TFEC: variants seen among roughly 807,000 people sequenced by gnomAD.
TFEC encodes class E basic helix-loop-helix protein 34.
Under a neutral mutation model 41.6 loss-of-function variants are expected in TFEC, and 31 were observed. That is an observed-to-expected ratio of 0.74 (90% CI 0.56 to 1.01). The LOEUF (loss-of-function observed/expected upper bound fraction) is 1.01. Among genes scored for constraint, TFEC ranks in the 50% least tolerant of loss-of-function variants. TFEC has a pLI of 0.00. For missense variants in TFEC, 402 were observed against 404.1 expected (o/e 0.99, Z 0.04); for synonymous variants, 143 against 140.6 (o/e 1.02, Z -0.12).
At chr7:116,112,978 A>G (rs567126659) in intron 1 of TFEC, among the ~76,000 whole-genome samples, 2 of 152,126 alleles carry the variant, frequency 1.3e-5, no homozygotes, top group South Asian at 4.1e-4. Flanking sequence ...AAGCAGATTG[A>G]TTATTAAACA....
At chr7:116,016,909 A>G (rs1342250826) in intron 1 of TFEC, among the ~76,000 whole-genome samples, 1 of 151,998 alleles carries the variant, frequency 6.6e-6, no homozygotes, top group Non-Finnish European at 1.5e-5. Context: ...TTCTCCTAAA[A>G]CCTGCTACTC....
intron 3 of TFEC, among the ~76,000 whole-genome samples, chr7:116,105,283 G>A (rs1305694521): frequency 1.3e-5 from 2 of 152,156 alleles, no homozygotes; most frequent in African/African-American, 4.8e-5. Flanking sequence ...TAGAGAGTTT[G>A]CAAAAGGACA....
intron 1 of TFEC, among the ~76,000 whole-genome samples, chr7:115,985,428 A>T (rs1793809052): frequency 1.3e-5 from 2 of 151,894 alleles, no homozygotes; most frequent in African/African-American, 4.8e-5. Flanking sequence ...CTTCTAATAC[A>T]TTTTTCTCAA....
intron 1 of TFEC, among the ~76,000 whole-genome samples, chr7:115,987,305 G>A (rs953549580): frequency 6.6e-6 from 1 of 152,104 alleles, no homozygotes; most frequent in Non-Finnish European, 1.5e-5. Flanking sequence ...TACTAACCAT[G>A]AACTAATATC....
intron 2 of TFEC, 150 bp from the exon 3 acceptor site, chr7:115,974,406 T>A (rs1169528600): frequency 2.5e-4 from 16 of 65,012 alleles, no homozygotes; most frequent in Non-Finnish European, 4.0e-4. Context: ...AACCTCAATA[T>A]TATATATATA....
chr7:116,102,890 G>C (rs528023986), intron 3 of TFEC, among the ~76,000 whole-genome samples: 3 of 152,140 alleles, frequency 2.0e-5, no homozygotes, highest in Non-Finnish European at 4.4e-5. Flanking sequence ...TACATTTATC[G>C]AAGCAGTGTT....
Position 116,146,194 on chromosome 7 carries a change from G to A in TFEC, c.-69+13596C>T, listed in dbSNP as rs184477372. 1.6e-3 allele frequency among the ~76,000 whole-genome samples: 240 copies of A among 152,250 alleles called. 1 individual carries two copies. The highest frequency in any genetic ancestry group is 5.6e-3 in the African/African-American group (233 of 41,558). On this transcript the variant is annotated intron_variant, in intron 1 of 8. Transcript: ENST00000484212. ...ACATGAGCAACTGCAGATCTACAAAGACAAGTAAGTCTCAGAGTAGGAATT... is the reference window on the plus strand; with the variant it reads ...ACATGAGCAACTGCAGATCTACAAAAACAAGTAAGTCTCAGAGTAGGAATT...
chr7:116,066,855 T>G (rs76891480), intron 3 of TFEC, among the ~76,000 whole-genome samples: 2,791 of 152,078 alleles, frequency 0.018, 80 homozygotes, highest in African/African-American at 0.063. Flanking sequence ...CACCGTTTAG[T>G]TTACACAGTG....
At chr7:115,974,976 A>G (rs1159373483) in intron 2 of TFEC, among the ~76,000 whole-genome samples, 1 of 152,084 alleles carries the variant, frequency 6.6e-6, no homozygotes, top group Non-Finnish European at 1.5e-5. Flanking sequence ...ACTCAATGAA[A>G]TGAGTACTTT....
At chr7:116,136,911 T>C (rs1392864650) in intron 1 of TFEC, among the ~76,000 whole-genome samples, 2 of 152,076 alleles carry the variant, frequency 1.3e-5, no homozygotes, top group African/African-American at 2.4e-5. Context: ...ATCTAATTCA[T>C]TGATCCCTTT....
At chr7:116,089,889 T>C (rs1797286220) in intron 3 of TFEC, among the ~76,000 whole-genome samples, 1 of 152,126 alleles carries the variant, frequency 6.6e-6, no homozygotes, top group Non-Finnish European at 1.5e-5. Flanking sequence ...ATCTAGCCAG[T>C]ATCCCTGGAA....
Position 115,940,481 on chromosome 7 carries a change from A to G in TFEC, c.*70T>C. 6.8e-7 allele frequency: 1 copy of G among 1,481,234 alleles called. No individual in the cohort carries two copies. Among genetic ancestry groups the G allele is most frequent in the Admixed American group, 2.2e-5 (1 of 44,664 alleles). The allele number at this position is 1,481,234 out of a possible 1,614,324, so 91.8% of individuals were successfully genotyped here. Reference sequence around the variant, plus strand: ...AAAATAAGCCAAAGCAACATATGAAACACAGAGCATAATTGCATAGCACCA... The same window carrying G: ...AAAATAAGCCAAAGCAACATATGAAGCACAGAGCATAATTGCATAGCACCA... On this transcript the variant is annotated 3_prime_UTR_variant, in exon 8 of 8. Transcript: ENST00000265440.
intron 3 of TFEC, among the ~76,000 whole-genome samples, chr7:115,971,534 A>G (rs1230315655): frequency 6.6e-6 from 1 of 151,972 alleles, no homozygotes; most frequent in African/African-American, 2.4e-5. Context: ...GAAGCCCCAT[A>G]AATCATGGAG....
intron 3 of TFEC, among the ~76,000 whole-genome samples, chr7:116,046,288 T>C (rs1256585736): frequency 6.6e-6 from 1 of 152,156 alleles, no homozygotes; most frequent in African/African-American, 2.4e-5. Flanking sequence ...AAACTTGAAT[T>C]GTATCTCCCC....
upstream of TFEC, among the ~76,000 whole-genome samples, chr7:116,035,286 C>T (rs1451449773): frequency 6.6e-6 from 1 of 151,950 alleles, no homozygotes; most frequent in Non-Finnish European, 1.5e-5. Context: ...ATAATACATT[C>T]TCACTTTCTT....
chr7:116,104,473 T>C (rs1797671731), intron 3 of TFEC, among the ~76,000 whole-genome samples: 1 of 152,188 alleles, frequency 6.6e-6, no homozygotes. Flanking sequence ...ACCATTTCAG[T>C]TCATCCATTA....
At position 115,937,575 on chromosome 7, in the gene TFEC, G is replaced by A. The variant is rs1793290206; in HGVS notation, c.*2976C>T. ...CTGACCCATATATAATAAATAGAAG[G>A]CATAGTTTGCTGAGTGGGGAGGACA... On this transcript the variant is annotated 3_prime_UTR_variant, in exon 8 of 8. Transcript: ENST00000265440. The A allele has an allele frequency of 6.6e-6, 1 of 151,698 alleles. No individual in the cohort carries two copies. The highest frequency in any genetic ancestry group is 2.4e-5 in the African/African-American group (1 of 41,380). The allele number at this position is 151,698 out of a possible 1,614,324, so 9.4% of individuals were successfully genotyped here. A position where few individuals can be genotyped will look rare whatever the true frequency, so the allele number is the denominator to read the frequency against.
chr7:116,096,056 G>A (rs775868196), intron 3 of TFEC, among the ~76,000 whole-genome samples: 3 of 152,110 alleles, frequency 2.0e-5, no homozygotes, highest in East Asian at 1.9e-4. Flanking sequence ...AACTTAATAC[G>A]TCTTAAATAT....
intron 6 of TFEC, among the ~76,000 whole-genome samples, chr7:115,947,433 C>G (rs1001752139): frequency 1.3e-5 from 2 of 151,018 alleles, no homozygotes; most frequent in African/African-American, 4.9e-5. Context: ...GGGTATATAC[C>G]CAGTAATGGG....
Sources: allele counts gnomAD v4.1 joint callset (sites outside exome capture counted in the v4.1 genomes callset), GRCh38; gene constraint gnomAD v4.1.1; transcripts MANE v1.5; gene names NCBI Gene and HGNC (gene_info 2026-07-23, HGNC 2026-07-21).